The following ATP6V1A variants were observed in gnomAD, a reference collection of about 807,000 sequenced individuals.
ATP6V1A encodes the protein V-type proton ATPase catalytic subunit A.
In ATP6V1A, 18 loss-of-function variants were observed where a neutral mutation model predicts 70.1. The ratio of observed to expected loss-of-function variants is 0.26; its 90% CI spans 0.18 to 0.38. The LOEUF is 0.38. ATP6V1A is among the 10% of genes least tolerant of loss of function. The probability of loss-of-function intolerance (pLI) is 1.00; values close to 1 mark genes in which losing one functional copy is unlikely to be tolerated. For synonymous variants in ATP6V1A, 232 were observed against 253.8 expected (o/e 0.91, Z 0.82); for missense variants, 424 against 772.4 (o/e 0.55, Z 5.35).
chr3:113,793,282 C>T (rs572615169), intron 8 of ATP6V1A, among the ~76,000 whole-genome samples: 6 of 152,180 alleles, frequency 3.9e-5, no homozygotes, highest in South Asian at 2.1e-4. Flanking sequence ...AGGCTGGTCT[C>T]GAACTCCTGA....
rs531612741 is a variant in ATP6V1A, at chr3:113,768,483, G to A, written c.-13-10258G>A. ...TCTATTTTGTCATCCTTAGCAAGGT[G>A]GGCTGCCTGCTTAGCTCCCTCAAGG... On this transcript the variant is annotated intron_variant, in intron 1 of 14. Transcript: ENST00000273398. Among the ~76,000 whole-genome samples, 23 of 152,056 alleles carry A rather than the reference G, an allele frequency of 1.5e-4. No homozygotes were observed. The East Asian group carries it at 4.2e-3, about 28-fold the overall frequency.
chr3:113,772,706 C>T (rs1214521210), intron 1 of ATP6V1A, among the ~76,000 whole-genome samples: 3 of 141,594 alleles, frequency 2.1e-5, no homozygotes, highest in Non-Finnish European at 3.0e-5. Context: ...CCAGCCTGGG[C>T]GACAGAGCAA....
At chr3:113,781,018 A>C (rs1444797505) in intron 2 of ATP6V1A, 32 bp from the exon 3 acceptor site, 1 of 1,573,576 alleles carries the variant, frequency 6.4e-7, no homozygotes, top group African/African-American at 1.4e-5. Flanking sequence ...CTAGAGTCTT[A>C]AGTCATCAAA....
chr3:113,755,493 C>A lies in ATP6V1A; in HGVS notation c.-14+8380C>A, dbSNP rs961108715. On this transcript the variant is annotated intron_variant, in intron 1 of 14. Coordinates refer to ENST00000273398, the MANE Select transcript of ATP6V1A (RefSeq NM_001690.4). ...GCACACACATCTAGTTCCCGCTATTCGGGAGGCTGAGGTGGGAGGATTGCT... is the reference window on the plus strand; with the variant it reads ...GCACACACATCTAGTTCCCGCTATTAGGGAGGCTGAGGTGGGAGGATTGCT... 3.6e-4 allele frequency among the ~76,000 whole-genome samples: 55 copies of A among 151,236 alleles called. 1 individual carries two copies.
chr3:113,791,828 C>T (rs568836445), intron 8 of ATP6V1A, among the ~76,000 whole-genome samples: 10 of 148,192 alleles, frequency 6.7e-5, no homozygotes, highest in Non-Finnish European at 1.2e-4. Context: ...CTCCTTCCTG[C>T]GACTGGCCAT....
rs760190056 is a variant in ATP6V1A at position 113,790,771 on chromosome 3, T to C, written c.988+931T>C. ...TTGGAAGTTTCTTCAAGAAGACTTA[T>C]GGCAACTGTGTTCTCTGAATTCTTG... On this transcript the variant is annotated intron_variant, in intron 8 of 14. Transcript: ENST00000273398. Among the ~76,000 whole-genome samples, 42 of 152,380 alleles carry C rather than the reference T, an allele frequency of 2.8e-4. 1 individual carries two copies. Among genetic ancestry groups the C allele is most frequent in the Non-Finnish European group, 4.3e-4 (29 of 68,034 alleles).
intron 1 of ATP6V1A, among the ~76,000 whole-genome samples, chr3:113,759,729 G>A (rs143017804): frequency 6.6e-5 from 10 of 152,156 alleles, no homozygotes; most frequent in South Asian, 2.1e-4. Flanking sequence ...CAAGCATTAG[G>A]CCAAAATGTG....
At chr3:113,790,466 G>T (rs1385565724) in intron 8 of ATP6V1A, among the ~76,000 whole-genome samples, 4 of 151,740 alleles carry the variant, frequency 2.6e-5, no homozygotes, top group African/African-American at 9.7e-5. Context: ...AAATATACTT[G>T]TACCTTTGTA....
chr3:113,757,900 C>T (rs969747316), intron 1 of ATP6V1A, among the ~76,000 whole-genome samples: 3 of 152,230 alleles, frequency 2.0e-5, no homozygotes, highest in African/African-American at 7.2e-5. Flanking sequence ...AATCCCAGCA[C>T]TTTGGGAGGC....
chr3:113,762,469 G>A (rs944917420), intron 1 of ATP6V1A, among the ~76,000 whole-genome samples: 1 of 152,056 alleles, frequency 6.6e-6, no homozygotes, highest in Non-Finnish European at 1.5e-5. Flanking sequence ...TCGGGAGGCT[G>A]AGGCAAGAGA....
At chr3:113,763,707 G>A (rs2108014101) in intron 1 of ATP6V1A, among the ~76,000 whole-genome samples, 1 of 152,216 alleles carries the variant, frequency 6.6e-6, no homozygotes, top group East Asian at 1.9e-4. Context: ...ATTTTTAACA[G>A]CTCTGAAATT....
Position 113,805,439 on chromosome 3 carries a change from G to A in ATP6V1A, c.1675G>A (p.Ala559Thr). Reference sequence around the variant, plus strand: ...GGCTCGTAGAGCTGTTGAAACCACTGCCCAGAGTGACAATAAAATCACATG... The same window carrying A: ...GGCTCGTAGAGCTGTTGAAACCACTACCCAGAGTGACAATAAAATCACATG... Reference protein sequence around the residue: ...DMARRAVETTAQSDNKITWSI... With the variant: ...DMARRAVETTTQSDNKITWSI... Residue 559 changes from alanine (A) to threonine (T), a missense_variant, in exon 14 of 15, where the codon GCC becomes ACC. Coordinates refer to ENST00000273398, the MANE Select transcript of ATP6V1A (RefSeq NM_001690.4). 1 of 1,613,772 alleles carries A rather than the reference G, an allele frequency of 6.2e-7. No homozygotes were observed. The highest frequency in any genetic ancestry group is 8.5e-7 in the Non-Finnish European group (1 of 1,179,716).
At position 113,786,225 on chromosome 3, in the gene ATP6V1A, T is replaced by G. The variant is rs1333610455; in HGVS notation, c.565-7T>G. 10 of 1,598,810 alleles carry G rather than the reference T, an allele frequency of 6.3e-6. No homozygotes were observed. The highest frequency in any genetic ancestry group is 8.5e-6 in the Non-Finnish European group (10 of 1,170,672). On this transcript the variant is annotated splice_polypyrimidine_tract_variant and splice_region_variant and intron_variant, in intron 5 of 14. Transcript: ENST00000273398. ...GACCATACTAAAATCCTACTGTATTTCTATAGGATGTTGTCTTGGAGCTTG... is the reference window on the plus strand; with the variant it reads ...GACCATACTAAAATCCTACTGTATTGCTATAGGATGTTGTCTTGGAGCTTG...
chr3:113,789,614 A>G, intron 7 of ATP6V1A, 118 bp from the exon 8 acceptor site: 1 of 651,270 alleles, frequency 1.5e-6, no homozygotes, highest in East Asian at 2.8e-5. Context: ...TACTTTAGGA[A>G]CACTGATTGT....
At chr3:113,804,850 G>A (rs180987610) in intron 13 of ATP6V1A, among the ~76,000 whole-genome samples, 1 of 152,294 alleles carries the variant, frequency 6.6e-6, no homozygotes, top group East Asian at 1.9e-4. Context: ...TAAAAGTATG[G>A]GCAAATGAAA....
At position 113,798,276 on chromosome 3, in the gene ATP6V1A, C is replaced by G; in HGVS notation, c.1324C>G (p.Arg442Gly). Reference sequence around the variant, plus strand: ...GGGCTTAGATAAGAAACTAGCTCAACGTAAGCATTTCCCCTCTGTCAATTG... The same window carrying G: ...GGGCTTAGATAAGAAACTAGCTCAAGGTAAGCATTTCCCCTCTGTCAATTG... ...FWGLDKKLAQ[R>G]KHFPSVNWLI... The change falls in exon 12 of 15, where the codon CGT becomes GGT. Residue 442 changes from arginine (R) to glycine (G), a missense_variant. Arg to Gly is a moderately radical substitution (Grantham distance 125). Around this residue, in one of 9 missense-constraint regions of ATP6V1A, gnomAD observed 58 missense variants for 181.5 expected, o/e 0.32. Coordinates refer to ENST00000273398, the MANE Select transcript of ATP6V1A (RefSeq NM_001690.4). 1 of 1,613,652 alleles carries G rather than the reference C, an allele frequency of 6.2e-7. No individual in the cohort carries two copies. Among genetic ancestry groups the G allele is most frequent in the Non-Finnish European group, 8.5e-7 (1 of 1,179,958 alleles).
chr3:113,780,930 C>T lies in ATP6V1A; in HGVS notation c.83-120C>T, dbSNP rs559081558. 1.4e-5 allele frequency: 20 copies of T among 1,386,480 alleles called. No individual in the cohort carries two copies. In the South Asian group the frequency reaches 2.7e-4, roughly 19 times the overall value. The allele number at this position is 1,386,480 out of a possible 1,614,324, so 85.9% of individuals were successfully genotyped here. A position where few individuals can be genotyped will look rare whatever the true frequency, so the allele number is the denominator to read the frequency against. Reference sequence around the variant, plus strand: ...AGTATGTTCCATAGTAGGTTTTTATCCTTCTTATGAATATATGAGAGAGGC... The same window carrying T: ...AGTATGTTCCATAGTAGGTTTTTATTCTTCTTATGAATATATGAGAGAGGC... On this transcript the variant is annotated intron_variant, in intron 2 of 14. Transcript: ENST00000273398.
In ATP6V1A at chr3:113,794,927, T is replaced by C. The variant is rs747784079; in HGVS notation, c.1044T>C (p.Ala348=). 1.2e-6 allele frequency: 2 copies of C among 1,614,076 alleles called. No individual in the cohort carries two copies. The highest frequency in any genetic ancestry group is 1.7e-6 in the Non-Finnish European group (2 of 1,179,938). ...RDMGYHVSMM[A]DSTSRWAEAL... Reference sequence around the variant, plus strand: ...TGGGCTATCATGTCAGTATGATGGCTGACTCTACCTCTAGATGGGCTGAGG... The same window carrying C: ...TGGGCTATCATGTCAGTATGATGGCCGACTCTACCTCTAGATGGGCTGAGG... Residue 348 remains alanine, a synonymous_variant, in exon 9 of 15, where the codon GCT becomes GCC. Transcript: ENST00000273398.
intron 1 of ATP6V1A, among the ~76,000 whole-genome samples, chr3:113,761,106 T>C (rs1170052000): frequency 6.6e-6 from 1 of 151,592 alleles, no homozygotes; most frequent in Non-Finnish European, 1.5e-5. Context: ...TCTTTTCTTT[T>C]TTTTTTTCTT....
Sources: allele counts gnomAD v4.1 joint callset (sites outside exome capture counted in the v4.1 genomes callset), GRCh38; gene constraint gnomAD v4.1.1; regional missense constraint gnomAD v4.1.1; transcripts MANE v1.5; gene names NCBI Gene and HGNC (gene_info 2026-07-23, HGNC 2026-07-21).